The following AP3B1 variants were observed in gnomAD, a reference collection of about 807,000 sequenced individuals.
AP3B1 encodes the protein adaptor related protein complex 3 subunit beta 1.
AP3B1 carries 61 observed loss-of-function variants against 132.5 expected under a neutral mutation model. That is an observed-to-expected ratio of 0.46 (90% CI 0.37 to 0.57). The LOEUF is 0.57. AP3B1 is among the 20% of genes least tolerant of loss of function. AP3B1 has a pLI of 0.00. For synonymous variants in AP3B1, 388 were observed against 438.3 expected (o/e 0.89, Z 1.43); for missense variants, 1,120 against 1,289.4 (o/e 0.87, Z 2.01).
chr5:78,166,804 A>C (rs968778067), intron 11 of AP3B1, among the ~76,000 whole-genome samples: 6 of 152,204 alleles, frequency 3.9e-5, no homozygotes, highest in South Asian at 2.1e-4. Flanking sequence ...ATGTAGTAGA[A>C]TGAAACTGGA....
intron 7 of AP3B1, among the ~76,000 whole-genome samples, chr5:78,211,897 T>G (rs1745753206): frequency 6.6e-6 from 1 of 152,254 alleles, no homozygotes; most frequent in African/African-American, 2.4e-5. Flanking sequence ...TTGTCTTAAG[T>G]GACTTGCTAA....
intron 3 of AP3B1, among the ~76,000 whole-genome samples, chr5:78,231,162 GT>G (rs924365215): frequency 3.3e-5 from 5 of 151,888 alleles, no homozygotes; most frequent in African/African-American, 1.2e-4. Flanking sequence ...CTTGAAAAAG[GT>G]TTTTTGTTTG....
chr5:78,135,999 A>ATT (rs139162746), intron 15 of AP3B1, among the ~76,000 whole-genome samples: 1 of 151,378 alleles, frequency 6.6e-6, no homozygotes, highest in Non-Finnish European at 1.5e-5. Flanking sequence ...ATTTCTAACC[A>ATT]TTTTTTTCTT....
chr5:78,158,578 T>C (rs1743250916), intron 13 of AP3B1, among the ~76,000 whole-genome samples: 1 of 152,206 alleles, frequency 6.6e-6, no homozygotes, highest in Non-Finnish European at 1.5e-5. Flanking sequence ...CTTATTATTA[T>C]TATTTTAAAG....
downstream of AP3B1, chr5:78,000,889 G>A (rs558645439): frequency 3.3e-5 from 5 of 152,212 alleles, no homozygotes; most frequent in African/African-American, 9.6e-5. Flanking sequence ...GGCTTTGGTC[G>A]TTTTTCTGTT....
intron 15 of AP3B1, among the ~76,000 whole-genome samples, chr5:78,135,991 T>C (rs1752893632): frequency 6.9e-6 from 1 of 145,720 alleles, no homozygotes; most frequent in African/African-American, 2.5e-5. Flanking sequence ...TGATACTTAT[T>C]TCTAACCATT....
chr5:78,052,104 A>T (rs972591892), intron 22 of AP3B1, among the ~76,000 whole-genome samples: 1 of 152,186 alleles, frequency 6.6e-6, no homozygotes, highest in African/African-American at 2.4e-5. Context: ...AGCAAATATT[A>T]CTTCAAATAA....
chr5:78,184,587 C>G (rs1744521321), intron 7 of AP3B1, among the ~76,000 whole-genome samples: 2 of 151,514 alleles, frequency 1.3e-5, no homozygotes. Context: ...ACTCGGGAGG[C>G]TGAGGCAGGA....
intron 1 of AP3B1, among the ~76,000 whole-genome samples, chr5:78,292,181 T>C (rs902968022): frequency 6.6e-6 from 1 of 152,200 alleles, no homozygotes. Flanking sequence ...TTAAGTTTTT[T>C]ATATAAACTT....
chr5:78,276,123 T>C (rs1356928140), intron 1 of AP3B1, among the ~76,000 whole-genome samples: 2 of 151,976 alleles, frequency 1.3e-5, no homozygotes, highest in Admixed American at 1.3e-4. Flanking sequence ...TGGAGTGCAG[T>C]AGTATGATCA....
chr5:78,094,787 TCTC>T (rs1357490339), intron 21 of AP3B1, among the ~76,000 whole-genome samples: 2 of 152,060 alleles, frequency 1.3e-5, no homozygotes, highest in African/African-American at 4.8e-5. Flanking sequence ...TTTAAGCAAT[TCTC>T]CTGCTGCAGC....
intron 11 of AP3B1, among the ~76,000 whole-genome samples, chr5:78,170,898 T>A (rs955825772): frequency 6.6e-6 from 1 of 152,194 alleles, no homozygotes; most frequent in African/African-American, 2.4e-5. Flanking sequence ...CCATCTTGAA[T>A]TAATTTTTTG....
chr5:78,190,981 A>G (rs766907219), intron 7 of AP3B1, among the ~76,000 whole-genome samples: 11 of 152,180 alleles, frequency 7.2e-5, no homozygotes, highest in Non-Finnish European at 1.5e-4. Context: ...CAACTGCTTC[A>G]TTTTGAACCA....
chr5:78,049,089 A>G (rs111270135), intron 22 of AP3B1, among the ~76,000 whole-genome samples: 21 of 152,210 alleles, frequency 1.4e-4, no homozygotes, highest in African/African-American at 4.6e-4. Context: ...CATCAAGGCT[A>G]CTTAATTCTA....
At chr5:78,017,560 AT>A (rs1219914663) in intron 25 of AP3B1, among the ~76,000 whole-genome samples, 1 of 152,106 alleles carries the variant, frequency 6.6e-6, no homozygotes, top group Non-Finnish European at 1.5e-5. Flanking sequence ...ATGTCTGACC[AT>A]TTAAAGAATT....
intron 2 of AP3B1, among the ~76,000 whole-genome samples, chr5:78,245,643 C>G (rs1270253809): frequency 6.6e-6 from 1 of 152,158 alleles, no homozygotes; most frequent in Non-Finnish European, 1.5e-5. Flanking sequence ...AGCGGGCAGT[C>G]CTTCTCAGTA....
intron 22 of AP3B1, among the ~76,000 whole-genome samples, chr5:78,050,435 G>T (rs1342139579): frequency 1.3e-5 from 2 of 152,124 alleles, no homozygotes; most frequent in South Asian, 4.2e-4. Context: ...TATACCTCTA[G>T]TGTTGGTCAT....
chr5:78,181,612 A>C lies in AP3B1; in HGVS notation c.837T>G (p.Asp279Glu). 6.2e-7 allele frequency: 1 copy of C among 1,612,382 alleles called. No individual in the cohort carries two copies. ...TCTTTTTGTCAGTCTTTTCCTTCTG[A>C]TCATCATCAGATTCGTAGAAATTCT... Reference protein sequence around the residue: ...NGKNFYESDDDQKEKTDKKKK... With the variant: ...NGKNFYESDDEQKEKTDKKKK... The change falls in exon 8 of 27, where the codon GAT becomes GAG. Residue 279 changes from aspartate (D) to glutamate (E), a missense_variant. By Grantham distance (45) the Asp-to-Glu change is conservative (BLOSUM62 2). Transcript: ENST00000255194.
chr5:78,264,753 CA>C (rs1465407306), intron 2 of AP3B1, among the ~76,000 whole-genome samples: 2 of 152,210 alleles, frequency 1.3e-5, no homozygotes, highest in African/African-American at 4.8e-5. Flanking sequence ...AAGATTTATA[CA>C]AAACTATTTA....
Sources: gnomAD v4.1 joint callset for allele counts (sites outside exome capture counted in the v4.1 genomes callset) on GRCh38, gnomAD v4.1.1 for gene constraint, MANE v1.5 for transcripts, NCBI Gene and HGNC (gene_info 2026-07-23, HGNC 2026-07-21) for gene names.